Variants in MRPL40 observed in about 807,000 individuals in gnomAD.
MRPL40 encodes the protein mitochondrial ribosomal protein L40.
Under a neutral mutation model 24.5 loss-of-function variants are expected in MRPL40, and 18 were observed. That is an observed-to-expected ratio of 0.73 (90% CI 0.51 to 1.09). The LOEUF (loss-of-function observed/expected upper bound fraction) is 1.09. MRPL40 is among the 50% of genes least tolerant of loss of function. MRPL40 has a pLI of 0.00. For synonymous variants in MRPL40, 108 were observed against 94.6 expected, an observed-to-expected ratio of 1.14 and a Z score of -0.82; for missense variants, 256 against 243.8, an observed-to-expected ratio of 1.05 and a Z score of -0.33.
At chr22:19,432,887 G>A in intron 1 of MRPL40, 1 of 1,310,798 alleles carries the variant, frequency 7.6e-7, no homozygotes, top group Non-Finnish European at 9.7e-7. Flanking sequence ...GGGTTTGGGA[G>A]CATTGCAATT....
chr22:19,434,216 CTTTTTTTTTTTTT>C (rs35856980), intron 2 of MRPL40, among the ~76,000 whole-genome samples: 5 of 85,306 alleles, frequency 5.9e-5, no homozygotes, highest in Admixed American at 1.4e-4. Flanking sequence ...TGCTTTTGTA[CTTTTTTTTTTTTT>C]TTTTTTTTTT....
At chr22:19,432,741 C>T in intron 1 of MRPL40, 134 bp downstream of exon 1, 3 of 1,412,088 alleles carry the variant, frequency 2.1e-6, no homozygotes, top group Non-Finnish European at 2.8e-6. Context: ...GCCATCTGGT[C>T]GTGACTCTTA....
intron 2 of MRPL40, among the ~76,000 whole-genome samples, chr22:19,433,953 G>A (rs2089569095): frequency 6.6e-6 from 1 of 151,884 alleles, no homozygotes; most frequent in Admixed American, 6.6e-5. Flanking sequence ...AGTAGAGACG[G>A]GGTTTCACCA....
Position 19,435,900 on chromosome 22 carries a change from C to A in MRPL40, c.559C>A (p.Pro187Thr). Residue 187 changes from proline (P) to threonine (T), a missense_variant, in exon 4 of 4, where the codon CCC becomes ACC. Physicochemically the swap from Pro to Thr is conservative, Grantham distance 38 (BLOSUM62 -1). Coordinates refer to ENST00000333130, the MANE Select transcript of MRPL40 (RefSeq NM_003776.4). ...CACACCACCGATCCCTAACTACCAA[C>A]CCCCTGAAGGCAGGTACAATGACAT... Reference protein sequence around the residue: ...HYTPPIPNYQPPEGRYNDITK... With the variant: ...HYTPPIPNYQTPEGRYNDITK... The A allele has an allele frequency of 6.2e-7, 1 of 1,614,136 alleles. No homozygotes were observed. The highest frequency in any genetic ancestry group is 1.1e-5 in the South Asian group (1 of 91,080).
rs1325682831 is a variant in MRPL40 at position 19,436,043 on chromosome 22, G to T, written c.*81G>T. 55 of 1,182,904 alleles carry T rather than the reference G, an allele frequency of 4.6e-5. No individual in the cohort carries two copies. The South Asian group carries it at 7.8e-4, about 17-fold the overall frequency. 73.3% of individuals were successfully genotyped at this position (1,182,904 alleles called of 1,614,324 possible). On this transcript the variant is annotated 3_prime_UTR_variant, in exon 4 of 4. Coordinates refer to ENST00000333130, the MANE Select transcript of MRPL40 (RefSeq NM_003776.4). The stretch of plus-strand genomic sequence containing the variant: ...TCAAGTCTGCTTTCCACAGAATCAG[G>T]CATGCTGTTAATAAATACTGGTTTA...
Position 19,436,016 on chromosome 22 carries a change from G to T in MRPL40, c.*54G>T. 1 of 1,416,470 alleles carries T rather than the reference G, an allele frequency of 7.1e-7. No individual in the cohort carries two copies. Among genetic ancestry groups the T allele is most frequent in the Non-Finnish European group, 9.8e-7 (1 of 1,024,476 alleles). The allele number at this position is 1,416,470 out of a possible 1,614,324, so 87.7% of individuals were successfully genotyped here. A position where few individuals can be genotyped will look rare whatever the true frequency, so the allele number is the denominator to read the frequency against. On this transcript the variant is annotated 3_prime_UTR_variant, in exon 4 of 4. Transcript: ENST00000333130. Reference sequence around the variant, plus strand: ...GCCCCTGAGAGTAGGAATGACCAGGGTTCAAGTCTGCTTTCCACAGAATCA... The same window carrying T: ...GCCCCTGAGAGTAGGAATGACCAGGTTTCAAGTCTGCTTTCCACAGAATCA...
intron 2 of MRPL40, among the ~76,000 whole-genome samples, chr22:19,433,615 TTC>T (rs1398152226): frequency 2.0e-5 from 3 of 152,176 alleles, no homozygotes; most frequent in Non-Finnish European, 2.9e-5. Flanking sequence ...CAGCTTAAGT[TTC>T]TGTTTCTCCA....
chr22:19,432,706 C>G (rs1259298652), intron 1 of MRPL40, 99 bp downstream of exon 1: 1 of 1,449,218 alleles, frequency 6.9e-7, no homozygotes, highest in African/African-American at 1.5e-5. Flanking sequence ...GCTCGCCTCC[C>G]AGTCCACGAA....
intron 3 of MRPL40, 98 bp from the exon 4 acceptor site, chr22:19,435,540 C>A: frequency 8.5e-7 from 1 of 1,172,940 alleles, no homozygotes. Context: ...TGTTTTATCT[C>A]CTAAGTCCTG....
intron 3 of MRPL40, 56 bp downstream of exon 3, chr22:19,434,950 C>G: frequency 6.9e-7 from 1 of 1,443,060 alleles, no homozygotes; most frequent in Non-Finnish European, 9.4e-7. Context: ...ATATCAACTT[C>G]AGGTAGTTGT....
rs1049701515 is a variant in MRPL40 at position 19,435,853 on chromosome 22, T to C, written c.512T>C (p.Phe171Ser). Residue 171 changes from phenylalanine (F) to serine (S), a missense_variant, in exon 4 of 4, where the codon TTT (phenylalanine) becomes TCT (serine). Phe to Ser is a radical substitution (Grantham distance 155, BLOSUM62 -2). Transcript: ENST00000333130. ...AAGCGGGATCCTAACCTGTTCCCCT[T>C]TGAGAAGGAAGGGCCACATTACACA... The part of the protein sequence containing the change: ...AIKRDPNLFP[F>S]EKEGPHYTPP... The C allele has an allele frequency of 3.7e-6, 6 of 1,614,006 alleles. No individual in the cohort carries two copies. Among genetic ancestry groups the C allele is most frequent in the Non-Finnish European group, 4.2e-6 (5 of 1,180,026 alleles).
chr22:19,434,624 G>A, intron 2 of MRPL40, 112 bp from the exon 3 acceptor site: 1 of 827,652 alleles, frequency 1.2e-6, no homozygotes, highest in Non-Finnish European at 1.9e-6. Context: ...AGTTAGTCAT[G>A]CACAGCTCCT....
intron 2 of MRPL40, among the ~76,000 whole-genome samples, chr22:19,434,216 C>CTTTTTTTTTTTTTTT (rs35856980): frequency 1.2e-5 from 1 of 85,294 alleles, no homozygotes; most frequent in Non-Finnish European, 2.1e-5. Flanking sequence ...TGCTTTTGTA[C>CTTTTTTTTTTTTTTT]TTTTTTTTTT....
rs2089585052 is a variant in MRPL40 at position 19,435,878 on chromosome 22, A to C, written c.537A>C (p.Thr179=). 17 of 1,614,148 alleles carry C rather than the reference A, an allele frequency of 1.1e-5. No individual in the cohort carries two copies. The highest frequency in any genetic ancestry group is 1.2e-5 in the Non-Finnish European group (14 of 1,180,016). The stretch of plus-strand genomic sequence containing the variant: ...TTGAGAAGGAAGGGCCACATTACAC[A>C]CCACCGATCCCTAACTACCAACCCC... ...FPFEKEGPHY[T]PPIPNYQPPE... Residue 179 remains threonine, a synonymous_variant, in exon 4 of 4, where the codon ACA becomes ACC. Transcript: ENST00000333130.
At chr22:19,433,673 G>A (rs1033456902) in intron 2 of MRPL40, among the ~76,000 whole-genome samples, 13 of 152,136 alleles carry the variant, frequency 8.5e-5, no homozygotes, top group Non-Finnish European at 1.9e-4. Flanking sequence ...GGAGAGTGTG[G>A]GGAAGATGCA....
intron 3 of MRPL40, 48 bp downstream of exon 3, chr22:19,434,942 A>G: frequency 1.4e-6 from 2 of 1,477,882 alleles, no homozygotes; most frequent in Non-Finnish European, 1.8e-6. Context: ...AAGGAGTAAT[A>G]TCAACTTCAG....
chr22:19,433,929 ATTT>A (rs1321680930), intron 2 of MRPL40, among the ~76,000 whole-genome samples: 1 of 151,756 alleles, frequency 6.6e-6, no homozygotes, highest in African/African-American at 2.4e-5. Context: ...CGCCCGGCTA[ATTT>A]TTGTGTTTTT....
intron 2 of MRPL40, among the ~76,000 whole-genome samples, chr22:19,434,216 CTTTTTTTTTTTT>C (rs35856980): frequency 1.1e-4 from 9 of 85,294 alleles, no homozygotes; most frequent in Admixed American, 4.3e-4. Flanking sequence ...TGCTTTTGTA[CTTTTTTTTTTTT>C]TTTTTTTTTT....
chr22:19,435,577 T>C, intron 3 of MRPL40, 61 bp from the exon 4 acceptor site: 1 of 1,453,538 alleles, frequency 6.9e-7, no homozygotes, highest in Non-Finnish European at 9.4e-7. Flanking sequence ...GGAATACTTG[T>C]GTCAGTTGCA....
Sources: allele counts gnomAD v4.1 joint callset (sites outside exome capture counted in the v4.1 genomes callset), GRCh38; gene constraint gnomAD v4.1.1; transcripts MANE v1.5; gene names NCBI Gene and HGNC (gene_info 2026-07-23, HGNC 2026-07-21).